The following ONECUT1 variants were observed in gnomAD, a reference collection of about 807,000 sequenced individuals.
ONECUT1 encodes hepatocyte nuclear factor 6.
Under a neutral mutation model 25.6 loss-of-function variants are expected in ONECUT1, and 12 were observed. The ratio of observed to expected loss-of-function variants is 0.47; its 90% confidence interval spans 0.30 to 0.76. The LOEUF is 0.76. Ranked by LOEUF, ONECUT1 falls within the 30% of genes least tolerant of loss-of-function variation. ONECUT1 has a pLI of 0.07. For synonymous variants in ONECUT1, 285 were observed against 270.2 expected (o/e 1.05, Z -0.54); for missense variants, 620 against 651.2 (o/e 0.95, Z 0.52).
chr15:52,777,756 A>T (rs2083813586), intron 1 of ONECUT1, among the ~76,000 whole-genome samples: 1 of 148,054 alleles, frequency 6.8e-6, no homozygotes, highest in African/African-American at 2.5e-5. Context: ...ATGTAAAGTT[A>T]TTTGTTCTCT....
At position 52,757,498 on chromosome 15, in the gene ONECUT1, A is replaced by T. The variant is rs1351234400; in HGVS notation, c.*57T>A. ...TGCTATCTTGAGGTCCTGGTCTTTT[A>T]AAAATTTTTTTTAATTTAAAGCTTT... On this transcript the variant is annotated 3_prime_UTR_variant, in exon 2 of 2. Transcript: ENST00000305901. 45 of 1,535,246 alleles carry T rather than the reference A, an allele frequency of 2.9e-5. No homozygotes were observed. In the Admixed American group the frequency reaches 3.9e-4, roughly 13 times the overall value.
intron 1 of ONECUT1, among the ~76,000 whole-genome samples, chr15:52,775,490 C>CACACAT (rs2083794149): frequency 6.8e-6 from 1 of 147,632 alleles, no homozygotes; most frequent in African/African-American, 2.5e-5. Context: ...CACACACACA[C>CACACAT]ACTCTTAAAG....
chr15:52,772,137 G>A (rs1363972280), intron 1 of ONECUT1, among the ~76,000 whole-genome samples: 3 of 152,010 alleles, frequency 2.0e-5, no homozygotes, highest in Admixed American at 2.0e-4. Context: ...GCTCACGCCT[G>A]TAATCCCAGC....
At chr15:52,763,736 T>C (rs1224374267) in intron 1 of ONECUT1, among the ~76,000 whole-genome samples, 2 of 152,196 alleles carry the variant, frequency 1.3e-5, no homozygotes, top group African/African-American at 4.8e-5. Context: ...CTTAGAACAG[T>C]TTCTCAGAGT....
Position 52,789,276 on chromosome 15 carries a change from C to T in ONECUT1, c.609G>A (p.Pro203=), listed in dbSNP as rs767908013. The stretch of plus-strand genomic sequence containing the variant: ...TCTTGTCGGTGGGCATGGCGGCCCC[C>T]GGGTGGGCATAGTGGGGGAGCCCTT... The part of the protein sequence containing the change: ...SQQGLPHYAH[P]GAAMPTDKML... Residue 203 remains proline, a synonymous_variant, in exon 1 of 2, where the codon CCG becomes CCA. Transcript: ENST00000305901. This position sits in a 1 kb window ranked among gnomAD's most constrained non-coding sequence, Gnocchi z 4.1. 6.5e-6 allele frequency: 10 copies of T among 1,548,470 alleles called. No individual in the cohort carries two copies. In the East Asian group the frequency reaches 2.0e-4, roughly 31 times the overall value.
chr15:52,779,707 G>A (rs995848529), intron 1 of ONECUT1, among the ~76,000 whole-genome samples: 15 of 152,132 alleles, frequency 9.9e-5, no homozygotes, highest in Non-Finnish European at 1.8e-4. Flanking sequence ...CCCCTTAGGA[G>A]CACTCATAAT....
Position 52,788,567 on chromosome 15 carries a change from G to A in ONECUT1, c.1105+213C>T, listed in dbSNP as rs1596059112. On this transcript the variant is annotated intron_variant, in intron 1 of 1. Coordinates refer to ENST00000305901, the MANE Select transcript of ONECUT1 (RefSeq NM_004498.4). The surrounding 1 kb of genome is among the most constrained non-coding windows in gnomAD (Gnocchi z 4.3). ...CCGAGGCCCGGCCGCTTAGCTCTCG[G>A]AGCCTTCCACAGCCCAACACCCTGA... 17 of 535,456 alleles carry A rather than the reference G, an allele frequency of 3.2e-5. No individual in the cohort carries two copies. The East Asian group carries it at 4.9e-4, about 15-fold the overall frequency. 33.2% of individuals were successfully genotyped at this position (535,456 alleles called of 1,614,324 possible).
intron 1 of ONECUT1, among the ~76,000 whole-genome samples, chr15:52,774,334 C>G (rs1409143140): frequency 7.0e-6 from 1 of 142,440 alleles, no homozygotes; most frequent in Non-Finnish European, 1.6e-5. Flanking sequence ...GAGTTTCGCT[C>G]TTGTTGCCCA....
At chr15:52,759,074 C>T (rs2083690391) in intron 1 of ONECUT1, among the ~76,000 whole-genome samples, 1 of 152,220 alleles carries the variant, frequency 6.6e-6, no homozygotes, top group African/African-American at 2.4e-5. Context: ...GCCACTGCCA[C>T]CTTTATATCT....
intron 1 of ONECUT1, among the ~76,000 whole-genome samples, chr15:52,783,985 G>T (rs2083857785): frequency 6.6e-6 from 1 of 152,200 alleles, no homozygotes; most frequent in African/African-American, 2.4e-5. Context: ...AAATTCACTA[G>T]AACAACGACG....
rs1049617925 is a variant in ONECUT1, at chr15:52,757,438, G to C, written c.*117C>G. 8 of 1,189,312 alleles carry C rather than the reference G, an allele frequency of 6.7e-6. No individual in the cohort carries two copies. The highest frequency in any genetic ancestry group is 6.2e-5 in the African/African-American group (4 of 64,920). 73.7% of individuals were successfully genotyped at this position (1,189,312 alleles called of 1,614,324 possible). A position where few individuals can be genotyped will look rare whatever the true frequency, so the allele number is the denominator to read the frequency against. On this transcript the variant is annotated 3_prime_UTR_variant, in exon 2 of 2. Coordinates refer to ENST00000305901, the MANE Select transcript of ONECUT1 (RefSeq NM_004498.4). The stretch of plus-strand genomic sequence containing the variant: ...TTGGTTTCTTTGGACTATAAATAAC[G>C]CTTTTTTTTCTTCAAATATTTCTAA...
At position 52,788,987 on chromosome 15, in the gene ONECUT1, G is replaced by C. The variant is rs1290571342; in HGVS notation, c.898C>G (p.Arg300Gly). ...EEINTKEVAQRITTELKRYSI... is the reference protein window; with the variant it reads ...EEINTKEVAQGITTELKRYSI... ...TAGCGCTTGAGCTCGGTGGTGATACGCTGCGCCACCTCTTTGGTATTGATC... is the reference window on the plus strand; with the variant it reads ...TAGCGCTTGAGCTCGGTGGTGATACCCTGCGCCACCTCTTTGGTATTGATC... Residue 300 changes from arginine (R) to glycine (G), a missense_variant, in exon 1 of 2, where the codon CGT becomes GGT. Arg to Gly is a moderately radical substitution (Grantham distance 125). Around this residue, in one of 4 missense-constraint regions of ONECUT1, gnomAD observed 146 missense variants for 201.8 expected, o/e 0.72. Coordinates refer to ENST00000305901, the MANE Select transcript of ONECUT1 (RefSeq NM_004498.4). The surrounding 1 kb of genome is among the most constrained non-coding windows in gnomAD (Gnocchi z 4.3). 6.2e-7 allele frequency: 1 copy of C among 1,611,756 alleles called. No individual in the cohort carries two copies. The highest frequency in any genetic ancestry group is 8.5e-7 in the Non-Finnish European group (1 of 1,180,034).
chr15:52,765,019 A>G (rs1468473560), intron 1 of ONECUT1, among the ~76,000 whole-genome samples: 1 of 152,212 alleles, frequency 6.6e-6, no homozygotes, highest in East Asian at 1.9e-4. Flanking sequence ...TGCTACCCAG[A>G]TTCCTGATGG....
chr15:52,780,597 T>G, intron 1 of ONECUT1: 2 of 1,535,414 alleles, frequency 1.3e-6, no homozygotes, highest in Non-Finnish European at 1.7e-6. Flanking sequence ...TTAAATTGCC[T>G]TAATGAACGA....
In ONECUT1 at chr15:52,762,839, T is replaced by C. The variant is rs1596046139; in HGVS notation, c.1106-4992A>G. Among the ~76,000 whole-genome samples the C allele has an allele frequency of 1.3e-5, 2 of 152,286 alleles. 1 individual carries two copies. ...AGCAACCCACAGAAACAAGTCATAC[T>C]TCTAGAAGCTTTCACCAGACTATAG... On this transcript the variant is annotated intron_variant, in intron 1 of 1. Coordinates refer to ENST00000305901, the MANE Select transcript of ONECUT1 (RefSeq NM_004498.4).
intron 1 of ONECUT1, among the ~76,000 whole-genome samples, chr15:52,773,350 A>C (rs2083780177): frequency 6.6e-6 from 1 of 152,130 alleles, no homozygotes; most frequent in African/African-American, 2.4e-5. Flanking sequence ...CTCTGAGGAT[A>C]TATTGCAATT....
chr15:52,789,695 C>G lies in ONECUT1; in HGVS notation c.190G>C (p.Gly64Arg). Residue 64 changes from glycine to arginine, a missense_variant, in exon 1 of 2, where the codon GGC becomes CGC. By Grantham distance (125) the Gly-to-Arg change is moderately radical (BLOSUM62 -2). This residue lies in a region of ONECUT1 where 440 missense variants were observed against 404.9 expected (regional missense o/e 1.09). Coordinates refer to ENST00000305901, the MANE Select transcript of ONECUT1 (RefSeq NM_004498.4). This position sits in a 1 kb window ranked among gnomAD's most constrained non-coding sequence, Gnocchi z 4.1. ...TGGTGGTGGTGGTAATCTCCGCCGC[C>G]GCTGCCGCCGTCCAGCAGGGACGCC... ...GMASLLDGGS[G>R]GGDYHHHHRA... 1 of 1,489,962 alleles carries G rather than the reference C, an allele frequency of 6.7e-7. No homozygotes were observed. The highest frequency in any genetic ancestry group is 1.4e-5 in the South Asian group (1 of 73,378). The allele number at this position is 1,489,962 out of a possible 1,614,324, so 92.3% of individuals were successfully genotyped here.
chr15:52,767,578 T>G (rs1257117243), intron 1 of ONECUT1, among the ~76,000 whole-genome samples: 1 of 152,030 alleles, frequency 6.6e-6, no homozygotes, highest in Non-Finnish European at 1.5e-5. Context: ...TCCATGAAGC[T>G]CTCCCCCTGT....
chr15:52,781,843 G>C (rs1252003059), intron 1 of ONECUT1, among the ~76,000 whole-genome samples: 1 of 152,100 alleles, frequency 6.6e-6, no homozygotes, highest in Non-Finnish European at 1.5e-5. Flanking sequence ...GGGAACCACT[G>C]GTATAAATGT....
Sources: gnomAD v4.1 joint callset for allele counts (sites outside exome capture counted in the v4.1 genomes callset) on GRCh38, gnomAD v4.1.1 for gene constraint, gnomAD v4.1.1 regional missense constraint, Gnocchi (gnomAD v3.1) non-coding constraint, MANE v1.5 for transcripts, NCBI Gene and HGNC (gene_info 2026-07-23, HGNC 2026-07-21) for gene names.